PALLD: variants seen among roughly 807,000 people sequenced by gnomAD.
PALLD encodes the protein palladin.
Under a neutral mutation model 123.5 loss-of-function variants are expected in PALLD, and 61 were observed. The observed-to-expected ratio is 0.49, with a 90% CI of 0.40 to 0.61. PALLD has a LOEUF of 0.61. Ranked by LOEUF, PALLD falls within the 20% of genes least tolerant of loss-of-function variation. The pLI is 0.00. For missense variants in PALLD, 1,273 were observed against 1,377.0 expected, an observed-to-expected ratio of 0.92 and a Z score of 1.20; for synonymous variants, 465 against 496.4, an observed-to-expected ratio of 0.94 and a Z score of 0.84.
At chr4:168,603,327 T>C (rs996005077) in intron 2 of PALLD, among the ~76,000 whole-genome samples, 2 of 152,220 alleles carry the variant, frequency 1.3e-5, no homozygotes, top group Non-Finnish European at 2.9e-5. Flanking sequence ...AGCAGTTTTT[T>C]GTTCATCTAA....
rs539793960 is a variant in PALLD, at chr4:168,697,307, A to G, written c.1501+6015A>G. ...CAGTGTGCTCCACCACAGCAAGAGA[A>G]TTAATCCAGAAAGGACAAGATGTAG... is the stretch of plus-strand genomic sequence containing the variant. On this transcript the variant is annotated intron_variant, in intron 8 of 21. Transcript: ENST00000505667. Among the ~76,000 whole-genome samples the G allele has an allele frequency of 5.9e-5, 9 of 152,364 alleles. No homozygotes were observed. The South Asian group carries it at 1.9e-3, about 32-fold the overall frequency.
intron 11 of PALLD, among the ~76,000 whole-genome samples, chr4:168,892,523 A>G (rs1028818768): frequency 6.6e-6 from 1 of 152,300 alleles, no homozygotes; most frequent in African/African-American, 2.4e-5. Context: ...TAAAATTTCA[A>G]TGAAGTTTTG....
At chr4:168,541,809 G>A (rs1278243473) in intron 2 of PALLD, among the ~76,000 whole-genome samples, 1 of 152,048 alleles carries the variant, frequency 6.6e-6, no homozygotes, top group Non-Finnish European at 1.5e-5. Flanking sequence ...CCATTTGATT[G>A]CCCAATTATA....
intron 2 of PALLD, among the ~76,000 whole-genome samples, chr4:168,543,942 A>G (rs1379149789): frequency 6.6e-6 from 1 of 152,274 alleles, no homozygotes. Context: ...TTGTGTATAC[A>G]TGAAGATGTA....
At chr4:168,506,316 AGTTTGGG>A (rs1761995267) in intron 1 of PALLD, among the ~76,000 whole-genome samples, 1 of 152,112 alleles carries the variant, frequency 6.6e-6, no homozygotes, top group African/African-American at 2.4e-5. Context: ...CAGAAGTCTC[AGTTTGGG>A]AACTCTCCTT....
At chr4:168,535,747 T>G (rs1464687065) in intron 2 of PALLD, among the ~76,000 whole-genome samples, 1 of 152,130 alleles carries the variant, frequency 6.6e-6, no homozygotes, top group Non-Finnish European at 1.5e-5. Flanking sequence ...CTTAAGAAAC[T>G]CAGCAAGTTT....
chr4:168,848,398 G>T (rs1378486802), intron 10 of PALLD, among the ~76,000 whole-genome samples: 3 of 152,144 alleles, frequency 2.0e-5, no homozygotes, highest in Non-Finnish European at 2.9e-5. Context: ...AAGAGCCATT[G>T]TTCAGTGCCT....
chr4:168,783,044 ATATGTG>A lies in PALLD; in HGVS notation c.1964+71123_1964+71128del, dbSNP rs1442750928. Among the ~76,000 whole-genome samples, 811 of 82,282 alleles carry A rather than the reference ATATGTG, an allele frequency of 9.9e-3. 3 individuals are homozygous for A. The highest frequency in any genetic ancestry group is 0.014 in the Non-Finnish European group (405 of 29,930). The allele number at this position is 82,282 out of a possible 152,430, so 54.0% of individuals were successfully genotyped here. On this transcript the variant is annotated intron_variant, in intron 10 of 21. Coordinates refer to ENST00000505667, the MANE Select transcript of PALLD (RefSeq NM_001166108.2). Reference sequence around the variant, plus strand: ...ATTTCTACTCACAAATTTTATATATATATGTGTGTGTGTGTGTGTGTGTGTGTGTGT... The same window carrying A: ...ATTTCTACTCACAAATTTTATATATATGTGTGTGTGTGTGTGTGTGTGTGT...
chr4:168,786,573 G>A (rs991011609), intron 10 of PALLD, among the ~76,000 whole-genome samples: 1 of 152,200 alleles, frequency 6.6e-6, no homozygotes, highest in African/African-American at 2.4e-5. Flanking sequence ...AGGAGGCTGA[G>A]GTGGGAGGAT....
chr4:168,523,675 C>G (rs115863101), intron 2 of PALLD, among the ~76,000 whole-genome samples: 319 of 152,246 alleles, frequency 2.1e-3, no homozygotes, highest in Non-Finnish European at 3.8e-3. Context: ...TCACTCCAGT[C>G]CAGGGGCCTT....
At chr4:168,654,502 G>T (rs543515459) in intron 2 of PALLD, among the ~76,000 whole-genome samples, 23 of 152,252 alleles carry the variant, frequency 1.5e-4, no homozygotes, top group Admixed American at 1.1e-3. Flanking sequence ...CAAAGAAAAA[G>T]ATCTAAATCT....
intron 1 of PALLD, among the ~76,000 whole-genome samples, chr4:168,499,285 T>TGGGAGGGAGGAA (rs1211424383): frequency 7.2e-4 from 17 of 23,552 alleles, no homozygotes; most frequent in African/African-American, 2.5e-3. Flanking sequence ...GGAGGGAGGA[T>TGGGAGGGAGGAA]GGGAGGGAGG....
At chr4:168,910,136 T>C (rs1047658937) in intron 15 of PALLD, among the ~76,000 whole-genome samples, 3 of 152,034 alleles carry the variant, frequency 2.0e-5, no homozygotes, top group Admixed American at 2.0e-4. Flanking sequence ...TATTTGTATA[T>C]ATGGTTCTAA....
intron 10 of PALLD, among the ~76,000 whole-genome samples, chr4:168,830,979 C>A (rs1195452505): frequency 6.6e-6 from 1 of 152,206 alleles, no homozygotes; most frequent in Non-Finnish European, 1.5e-5. Flanking sequence ...GTAGATATTA[C>A]CATTCATTCA....
chr4:168,878,500 G>A (rs1752150805), intron 10 of PALLD: 4 of 801,640 alleles, frequency 5.0e-6, no homozygotes, highest in Admixed American at 7.7e-5. Context: ...AACCCAGAGC[G>A]CCCCAGTAAC....
At chr4:168,853,408 C>T (rs1748087404) in intron 10 of PALLD, among the ~76,000 whole-genome samples, 1 of 152,130 alleles carries the variant, frequency 6.6e-6, no homozygotes, top group Non-Finnish European at 1.5e-5. Context: ...AAAAGACCCT[C>T]AAGGGCCTGG....
intron 2 of PALLD, among the ~76,000 whole-genome samples, chr4:168,557,202 T>C (rs117488299): frequency 6.6e-6 from 1 of 151,910 alleles, no homozygotes; most frequent in East Asian, 1.9e-4. Flanking sequence ...TGCCACCTCA[T>C]CTCAGTAATT....
intron 16 of PALLD, among the ~76,000 whole-genome samples, chr4:168,915,041 A>G (rs1759822828): frequency 6.6e-6 from 1 of 152,238 alleles, no homozygotes; most frequent in Non-Finnish European, 1.5e-5. Context: ...TGTTGTCTGC[A>G]ACACATTTTT....
At chr4:168,813,606 T>C (rs986272469) in intron 10 of PALLD, among the ~76,000 whole-genome samples, 5 of 152,032 alleles carry the variant, frequency 3.3e-5, no homozygotes, top group African/African-American at 1.2e-4. Flanking sequence ...TGCCGGCACA[T>C]GCCACCACAC....
Sources: gnomAD v4.1 joint callset for allele counts (sites outside exome capture counted in the v4.1 genomes callset) on GRCh38, gnomAD v4.1.1 for gene constraint, MANE v1.5 for transcripts, NCBI Gene and HGNC (gene_info 2026-07-23, HGNC 2026-07-21) for gene names.